Variants in JAZF1 observed in about 807,000 individuals in gnomAD.
JAZF1 encodes JAZF zinc finger 1.
In JAZF1, 8 loss-of-function variants were observed where a neutral mutation model predicts 26.4. The observed-to-expected ratio is 0.30, with a 90% CI of 0.18 to 0.55. The LOEUF is 0.55. JAZF1 is among the 20% of genes least tolerant of loss of function. The probability of loss-of-function intolerance (pLI) is 0.94; values close to 1 mark genes in which losing one functional copy is unlikely to be tolerated. For synonymous variants in JAZF1, 126 were observed against 122.3 expected (o/e 1.03, Z -0.20); for missense variants, 199 against 322.0 (o/e 0.62, Z 2.92).
intron 2 of JAZF1, among the ~76,000 whole-genome samples, chr7:27,902,840 C>T (rs931641853): frequency 6.6e-6 from 1 of 151,942 alleles, no homozygotes; most frequent in Non-Finnish European, 1.5e-5. Context: ...CACAGTGAAA[C>T]CCCATCTCTA....
intron 1 of JAZF1, among the ~76,000 whole-genome samples, chr7:28,127,828 C>G (rs1404949733): frequency 6.6e-6 from 1 of 152,126 alleles, no homozygotes; most frequent in Non-Finnish European, 1.5e-5. Context: ...GGAAAAGCCT[C>G]TTATAAAACC....
chr7:28,165,519 C>G (rs73091220), intron 1 of JAZF1, among the ~76,000 whole-genome samples: 16,398 of 152,184 alleles, frequency 0.11, 1,138 homozygotes, highest in Non-Finnish European at 0.15. Context: ...TAGGTTCCCT[C>G]CGTGTGGTAA....
At chr7:28,122,847 G>A (rs1242457673) in intron 1 of JAZF1, among the ~76,000 whole-genome samples, 5 of 152,118 alleles carry the variant, frequency 3.3e-5, no homozygotes, top group African/African-American at 1.2e-4. Context: ...AGAACGCAGA[G>A]AAGTATAAAA....
intron 1 of JAZF1, among the ~76,000 whole-genome samples, chr7:28,057,471 C>T (rs1219215092): frequency 1.3e-5 from 2 of 152,120 alleles, no homozygotes; most frequent in African/African-American, 4.8e-5. Flanking sequence ...CTCATTTAAT[C>T]CTCAATCATC....
intron 2 of JAZF1, among the ~76,000 whole-genome samples, chr7:27,971,718 T>C (rs1302450836): frequency 6.6e-5 from 10 of 152,128 alleles, no homozygotes; most frequent in Non-Finnish European, 1.0e-4. Flanking sequence ...AATTTCCAAA[T>C]GAAATAAGAG....
intron 3 of JAZF1, among the ~76,000 whole-genome samples, chr7:27,868,891 T>A (rs140283241): frequency 6.6e-6 from 1 of 152,314 alleles, no homozygotes; most frequent in East Asian, 1.9e-4. Context: ...TAGCTCAGTC[T>A]AGACCCTGGG....
chr7:28,168,559 G>C (rs1439617862), intron 1 of JAZF1, among the ~76,000 whole-genome samples: 1 of 152,170 alleles, frequency 6.6e-6, no homozygotes, highest in African/African-American at 2.4e-5. Flanking sequence ...CAGTTTGCCA[G>C]TCTCTGCCAC....
intron 2 of JAZF1, among the ~76,000 whole-genome samples, chr7:27,982,295 G>A (rs996396291): frequency 6.1e-5 from 7 of 115,340 alleles, no homozygotes; most frequent in African/African-American, 2.1e-4. Flanking sequence ...AGCACACCAG[G>A]AGATTATATC....
chr7:28,135,400 T>G (rs1339118437), intron 1 of JAZF1, among the ~76,000 whole-genome samples: 2 of 152,242 alleles, frequency 1.3e-5, no homozygotes, highest in African/African-American at 4.8e-5. Flanking sequence ...TGCTACATGT[T>G]ACTAGTTTTA....
chr7:28,091,982 C>T (rs914924495), intron 1 of JAZF1, among the ~76,000 whole-genome samples: 6 of 151,990 alleles, frequency 3.9e-5, no homozygotes, highest in African/African-American at 1.5e-4. Flanking sequence ...GCTACGATGG[C>T]TTAATTACAC....
intron 4 of JAZF1, among the ~76,000 whole-genome samples, chr7:27,836,941 A>AT (rs906350372): frequency 4.6e-5 from 7 of 151,902 alleles, no homozygotes; most frequent in African/African-American, 1.5e-4. Context: ...TCTTTTCACT[A>AT]TTTTTTCATA....
At chr7:28,073,038 CTT>C (rs1583544973) in intron 1 of JAZF1, among the ~76,000 whole-genome samples, 1 of 152,272 alleles carries the variant, frequency 6.6e-6, no homozygotes, top group East Asian at 1.9e-4. Context: ...AAATACATGA[CTT>C]TTTAAAATAG....
intron 2 of JAZF1, among the ~76,000 whole-genome samples, chr7:27,972,840 G>T (rs903872926): frequency 6.7e-6 from 1 of 149,028 alleles, no homozygotes; most frequent in Non-Finnish European, 1.5e-5. Flanking sequence ...TGGGGGGAAT[G>T]ATATATATAT....
chr7:28,032,127 T>C (rs1052792945), intron 1 of JAZF1, among the ~76,000 whole-genome samples: 1 of 152,202 alleles, frequency 6.6e-6, no homozygotes, highest in Non-Finnish European at 1.5e-5. Context: ...AGTGGTATGA[T>C]CTATGTTTAT....
intron 1 of JAZF1, among the ~76,000 whole-genome samples, chr7:28,124,126 T>G (rs1782655802): frequency 1.3e-5 from 2 of 151,772 alleles, no homozygotes; most frequent in Non-Finnish European, 2.9e-5. Flanking sequence ...AAAAGGAAAT[T>G]AAGTTAAAAT....
At chr7:28,118,782 ACACACACAC>A (rs1340594078) in intron 1 of JAZF1, among the ~76,000 whole-genome samples, 2 of 151,772 alleles carry the variant, frequency 1.3e-5, no homozygotes, top group Non-Finnish European at 1.5e-5. Flanking sequence ...ACACACACAC[ACACACACAC>A]AACACACACA....
At chr7:27,859,884 T>A (rs1188868344) in intron 3 of JAZF1, among the ~76,000 whole-genome samples, 1 of 152,120 alleles carries the variant, frequency 6.6e-6, no homozygotes, top group Non-Finnish European at 1.5e-5. Flanking sequence ...AGAAAATGAA[T>A]ACAAATTATC....
At chr7:27,912,690 T>TC (rs962818798) in intron 2 of JAZF1, among the ~76,000 whole-genome samples, 3 of 152,184 alleles carry the variant, frequency 2.0e-5, no homozygotes, top group African/African-American at 7.2e-5. Context: ...TCCAACTTTT[T>TC]CCCCCCTATA....
intron 3 of JAZF1, among the ~76,000 whole-genome samples, chr7:27,883,079 C>T (rs1162714624): frequency 6.6e-6 from 1 of 152,168 alleles, no homozygotes; most frequent in Non-Finnish European, 1.5e-5. Flanking sequence ...GAGAAGTGTG[C>T]ACTGATGGAT....
Sources: allele counts gnomAD v4.1 joint callset (sites outside exome capture counted in the v4.1 genomes callset), GRCh38; gene constraint gnomAD v4.1.1; transcripts MANE v1.5; gene names NCBI Gene and HGNC (gene_info 2026-07-23, HGNC 2026-07-21).